WWC2: variants seen among roughly 807,000 people sequenced by gnomAD.
WWC2 encodes WW and C2 domain containing 2, also known as protein WWC2.
Under a neutral mutation model 138.5 loss-of-function variants are expected in WWC2, and 101 were observed. That is an observed-to-expected ratio of 0.73 (90% CI 0.62 to 0.86). The LOEUF (loss-of-function observed/expected upper bound fraction) is 0.86, where lower values mean the gene tolerates loss of function less well. Ranked by LOEUF, WWC2 falls within the 40% of genes least tolerant of loss-of-function variation. The pLI is 0.00. For synonymous variants in WWC2, 558 were observed against 538.4 expected, an observed-to-expected ratio of 1.04 and a Z score of -0.50; for missense variants, 1,420 against 1,419.4, an observed-to-expected ratio of 1.00 and a Z score of -0.01.
chr4:183,229,921 C>T (rs1271114405), intron 4 of WWC2, among the ~76,000 whole-genome samples: 1 of 151,984 alleles, frequency 6.6e-6, no homozygotes, highest in Non-Finnish European at 1.5e-5. Flanking sequence ...ACCTCCTGGG[C>T]TCAAGCAATC....
intron 1 of WWC2, among the ~76,000 whole-genome samples, chr4:183,128,596 T>C (rs917891026): frequency 1.3e-5 from 2 of 152,202 alleles, no homozygotes; most frequent in African/African-American, 4.8e-5. Context: ...TACTTTCTAC[T>C]TGTTTTTTGA....
intron 21 of WWC2, among the ~76,000 whole-genome samples, chr4:183,294,479 T>G (rs1316334428): frequency 6.6e-6 from 1 of 152,176 alleles, no homozygotes; most frequent in Non-Finnish European, 1.5e-5. Flanking sequence ...AGTGTTGCTG[T>G]GTGATGAGGG....
intron 16 of WWC2, among the ~76,000 whole-genome samples, chr4:183,272,119 ATTG>A (rs1430000376): frequency 1.3e-5 from 2 of 152,184 alleles, no homozygotes; most frequent in Non-Finnish European, 2.9e-5. Context: ...ATTTGTGGTT[ATTG>A]TTATTGAGTT....
chr4:183,233,498 A>G (rs914148675), intron 4 of WWC2: 3 of 151,876 alleles, frequency 2.0e-5, no homozygotes, highest in African/African-American at 7.3e-5. Flanking sequence ...TTGACCTTCC[A>G]TATATTAATA....
At chr4:183,234,738 G>A (rs1264274715) in intron 4 of WWC2, among the ~76,000 whole-genome samples, 1 of 151,974 alleles carries the variant, frequency 6.6e-6, no homozygotes, top group Non-Finnish European at 1.5e-5. Flanking sequence ...TTGAAAATGG[G>A]TATTTGTATT....
At chr4:183,266,592 C>A (rs1737513332) in intron 14 of WWC2, among the ~76,000 whole-genome samples, 1 of 152,226 alleles carries the variant, frequency 6.6e-6, no homozygotes, top group Admixed American at 6.5e-5. Flanking sequence ...CATTTTCTGA[C>A]ATCAGAGTTT....
intron 4 of WWC2, among the ~76,000 whole-genome samples, chr4:183,224,061 T>A (rs1036770979): frequency 6.6e-6 from 1 of 152,186 alleles, no homozygotes; most frequent in African/African-American, 2.4e-5. Context: ...CCTCTTTTCT[T>A]TGTAACTTAA....
At chr4:183,154,791 C>T (rs563660895) in intron 1 of WWC2, among the ~76,000 whole-genome samples, 4 of 152,254 alleles carry the variant, frequency 2.6e-5, no homozygotes, top group Non-Finnish European at 5.9e-5. Context: ...GTAGATATGC[C>T]GTATAGCCAA....
At chr4:183,287,144 G>A (rs946715414) in intron 20 of WWC2, among the ~76,000 whole-genome samples, 1 of 152,166 alleles carries the variant, frequency 6.6e-6, no homozygotes, top group Non-Finnish European at 1.5e-5. Flanking sequence ...ATTCTGCCAT[G>A]TGCAGAGTAA....
At position 183,193,680 on chromosome 4, in the gene WWC2, T is replaced by C. The variant is rs368873825; in HGVS notation, c.213T>C (p.Ile71=). 24 of 1,613,708 alleles carry C rather than the reference T, an allele frequency of 1.5e-5. No homozygotes were observed. The highest frequency in any genetic ancestry group is 1.9e-5 in the Non-Finnish European group (22 of 1,179,830). Residue 71 remains isoleucine, a synonymous_variant, in exon 2 of 23, where the codon ATT becomes ATC. Transcript: ENST00000403733. ...WGWEAGFDPQ[I]GVYYIDHINK... ...GGGAAGCAGGGTTTGACCCTCAGAT[T>C]GGTGTCTACTACATCGATCACATCA...
chr4:183,276,381 T>C (rs1451071890), intron 16 of WWC2, among the ~76,000 whole-genome samples: 1 of 152,096 alleles, frequency 6.6e-6, no homozygotes, highest in Admixed American at 6.6e-5. Context: ...TAATTCCATC[T>C]TTATTCTTTT....
At chr4:183,220,568 C>T (rs528787337) in intron 4 of WWC2, among the ~76,000 whole-genome samples, 4 of 151,042 alleles carry the variant, frequency 2.6e-5, no homozygotes, top group Non-Finnish European at 4.4e-5. Flanking sequence ...GGCGCGGTGG[C>T]TCACGCCTGT....
rs544494467 is a variant in WWC2, at chr4:183,227,909, G to T, written c.523-12274G>T. 9.1e-4 allele frequency among the ~76,000 whole-genome samples: 138 copies of T among 151,946 alleles called. 3 individuals are homozygous for T. Among genetic ancestry groups the T allele is most frequent in the African/African-American group, 3.2e-3 (131 of 41,372 alleles). On this transcript the variant is annotated intron_variant, in intron 4 of 22. Transcript: ENST00000403733. The stretch of plus-strand genomic sequence containing the variant: ...ACAGAAAGCAGGAGAGGAGAGAAAA[G>T]AATAAAAAATACAGGGCAAATGAGT...
At chr4:183,175,660 A>C (rs187099717) in intron 1 of WWC2, among the ~76,000 whole-genome samples, 1 of 152,316 alleles carries the variant, frequency 6.6e-6, no homozygotes, top group Admixed American at 6.5e-5. Flanking sequence ...GGACTAGAAC[A>C]GTTTCTCAAA....
Position 183,245,460 on chromosome 4 carries a change from G to C in WWC2, c.647G>C (p.Ser216Thr), listed in dbSNP as rs749954416. The stretch of plus-strand genomic sequence containing the variant: ...GGAGGCCAGAGCGGGTATGAACTCA[G>C]TGAAGCCAAAGCCATTCTAACAGAA... ...MSGGQSGYEL[S>T]EAKAILTELK... The change falls in exon 6 of 23, where the codon AGT becomes ACT. Residue 216 changes from serine (S) to threonine (T), a missense_variant. By Grantham distance (58) the Ser-to-Thr change is moderately conservative. Coordinates refer to ENST00000403733, the MANE Select transcript of WWC2 (RefSeq NM_024949.6). The C allele has an allele frequency of 1.9e-6, 3 of 1,603,754 alleles. No homozygotes were observed. Among genetic ancestry groups the C allele is most frequent in the African/African-American group, 2.7e-5 (2 of 73,976 alleles).
At chr4:183,196,332 G>C (rs2111216926) in intron 2 of WWC2, among the ~76,000 whole-genome samples, 1 of 152,258 alleles carries the variant, frequency 6.6e-6, no homozygotes, top group East Asian at 1.9e-4. Context: ...TTGCCACTGT[G>C]AGTTATTCCC....
At chr4:183,233,974 C>G (rs1736337665) in intron 4 of WWC2, 1 of 152,176 alleles carries the variant, frequency 6.6e-6, no homozygotes, top group African/African-American at 2.4e-5. Flanking sequence ...TAGTAAAATA[C>G]CATTTTGCTC....
intron 4 of WWC2, among the ~76,000 whole-genome samples, chr4:183,237,325 G>A (rs1209558897): frequency 1.3e-5 from 2 of 150,302 alleles, no homozygotes; most frequent in Non-Finnish European, 3.0e-5. Flanking sequence ...AAAGATAAAA[G>A]TGTTGCTGTC....
chr4:183,261,654 T>A, intron 11 of WWC2, 122 bp downstream of exon 11: 1 of 1,215,952 alleles, frequency 8.2e-7, no homozygotes, highest in Non-Finnish European at 1.1e-6. Context: ...TGAGTAATCG[T>A]TTTGGCTTCA....
Sources: allele counts gnomAD v4.1 joint callset (sites outside exome capture counted in the v4.1 genomes callset), GRCh38; gene constraint gnomAD v4.1.1; transcripts MANE v1.5; gene names NCBI Gene and HGNC (gene_info 2026-07-23, HGNC 2026-07-21).